Variants in TRAPPC9 observed in about 807,000 individuals in gnomAD.
TRAPPC9 encodes the protein trafficking protein particle complex subunit 9.
A neutral mutation model predicts 124.0 loss-of-function variants in TRAPPC9; 83 were observed. That is an observed-to-expected ratio of 0.67 (90% CI 0.56 to 0.80). TRAPPC9 has a LOEUF of 0.80. Ranked by LOEUF, TRAPPC9 falls within the 30% of genes least tolerant of loss-of-function variation. TRAPPC9 has a pLI of 0.00. For missense variants in TRAPPC9, 1,302 were observed against 1,508.3 expected, an observed-to-expected ratio of 0.86 and a Z score of 2.27; for synonymous variants, 638 against 617.5, an observed-to-expected ratio of 1.03 and a Z score of -0.49.
chr8:139,765,243 A>G (rs1442176203), intron 21 of TRAPPC9, among the ~76,000 whole-genome samples: 1 of 152,200 alleles, frequency 6.6e-6, no homozygotes, highest in Non-Finnish European at 1.5e-5. Context: ...GGACCTGGGT[A>G]ACTGCCCAAG....
intron 5 of TRAPPC9, among the ~76,000 whole-genome samples, chr8:140,416,876 G>C (rs975463431): frequency 1.3e-5 from 2 of 152,074 alleles, no homozygotes; most frequent in East Asian, 3.8e-4. Flanking sequence ...CAGATATATA[G>C]ACCAATGGAA....
intron 13 of TRAPPC9, among the ~76,000 whole-genome samples, chr8:140,285,969 C>T (rs1222199213): frequency 1.3e-5 from 2 of 152,208 alleles, no homozygotes; most frequent in Non-Finnish European, 2.9e-5. Context: ...CTACTGTGTG[C>T]CAGGCTCCAC....
intron 19 of TRAPPC9, among the ~76,000 whole-genome samples, chr8:139,951,358 C>T (rs1834635893): frequency 6.6e-6 from 1 of 152,186 alleles, no homozygotes; most frequent in Non-Finnish European, 1.5e-5. Flanking sequence ...AAAAACTGTG[C>T]CATGAGGGTT....
chr8:140,175,727 G>C (rs1198027143), intron 17 of TRAPPC9, among the ~76,000 whole-genome samples: 1 of 152,222 alleles, frequency 6.6e-6, no homozygotes, highest in Non-Finnish European at 1.5e-5. Flanking sequence ...TCTGTGTGCT[G>C]TGCTCCAATG....
rs1172889959 is a variant in TRAPPC9, at chr8:139,731,015, AG to A, written c.*45del. 1.9e-6 allele frequency: 3 copies of A among 1,602,412 alleles called. No individual in the cohort carries two copies. The highest frequency in any genetic ancestry group is 2.6e-6 in the Non-Finnish European group (3 of 1,174,784). On this transcript the variant is annotated 3_prime_UTR_variant, in exon 23 of 23. Transcript: ENST00000438773. ...TTGCAGGGGGTGTGGGAGGCCAGGCAGGGTCACCTCTGGCCCTGCAGAAAGA... is the reference window on the plus strand; with the variant it reads ...TTGCAGGGGGTGTGGGAGGCCAGGCAGGTCACCTCTGGCCCTGCAGAAAGA...
chr8:139,937,551 G>T (rs552150356), intron 19 of TRAPPC9, among the ~76,000 whole-genome samples: 1 of 152,102 alleles, frequency 6.6e-6, no homozygotes, highest in African/African-American at 2.4e-5. Flanking sequence ...TGGCAGGGCC[G>T]GTGCTGGGGC....
chr8:140,004,823 C>T (rs932183849), intron 18 of TRAPPC9, among the ~76,000 whole-genome samples: 5 of 152,172 alleles, frequency 3.3e-5, no homozygotes, highest in African/African-American at 9.7e-5. Context: ...CTCCCAGGGT[C>T]TAGACACCAA....
intron 17 of TRAPPC9, among the ~76,000 whole-genome samples, chr8:140,193,675 GA>G (rs2062556833): frequency 7.3e-6 from 1 of 136,250 alleles, no homozygotes; most frequent in Non-Finnish European, 1.5e-5. Context: ...CCTACTGCTA[GA>G]AAGTCCACTG....
intron 5 of TRAPPC9, among the ~76,000 whole-genome samples, chr8:140,418,785 G>A (rs192374837): frequency 2.5e-4 from 38 of 152,192 alleles, no homozygotes; most frequent in African/African-American, 5.3e-4. Context: ...CAGACAGACA[G>A]ACAGATGCAA....
At chr8:139,988,948 C>G (rs933636087) in intron 18 of TRAPPC9, 112 bp from the exon 19 acceptor site, 2 of 746,066 alleles carry the variant, frequency 2.7e-6, no homozygotes, top group Admixed American at 2.0e-5. Flanking sequence ...CAAAGTATAT[C>G]GAAATGCCAA....
intron 19 of TRAPPC9, among the ~76,000 whole-genome samples, chr8:139,919,785 G>C (rs904269091): frequency 3.3e-5 from 5 of 152,204 alleles, no homozygotes; most frequent in Admixed American, 3.3e-4. Context: ...GTGTGGCCCA[G>C]AGCAGGTGCG....
intron 19 of TRAPPC9, among the ~76,000 whole-genome samples, chr8:139,948,262 C>T (rs1343949541): frequency 1.8e-5 from 1 of 56,604 alleles, no homozygotes; most frequent in Admixed American, 2.2e-4. Flanking sequence ...CACACACACA[C>T]ACACACACAC....
chr8:139,839,034 C>T (rs1298167742), intron 21 of TRAPPC9, among the ~76,000 whole-genome samples: 1 of 152,214 alleles, frequency 6.6e-6, no homozygotes, highest in African/African-American at 2.4e-5. Flanking sequence ...TTAGAAGATG[C>T]ATCTCCTGAA....
At chr8:139,838,954 C>T (rs879325947) in intron 21 of TRAPPC9, among the ~76,000 whole-genome samples, 1 of 152,190 alleles carries the variant, frequency 6.6e-6, no homozygotes, top group African/African-American at 2.4e-5. Flanking sequence ...AGGGACACAC[C>T]AGGGGGCAAA....
At chr8:139,772,144 G>T (rs1417058998) in intron 21 of TRAPPC9, among the ~76,000 whole-genome samples, 2 of 152,236 alleles carry the variant, frequency 1.3e-5, no homozygotes, top group Admixed American at 6.5e-5. Context: ...GGATCCACAT[G>T]GAAGGTGATC....
In TRAPPC9 at chr8:139,753,248, C is replaced by A. The variant is rs546141088; in HGVS notation, c.3056-21046G>T. On this transcript the variant is annotated intron_variant, in intron 21 of 22. Coordinates refer to ENST00000438773, the MANE Select transcript of TRAPPC9 (RefSeq NM_001160372.4). ...TCCAACATCTACCCATCCATCCATT[C>A]ACCCATCTACCATCCATCCATCCAA... 2.0e-5 allele frequency among the ~76,000 whole-genome samples: 3 copies of A among 150,406 alleles called. No individual in the cohort carries two copies. In the East Asian group the frequency reaches 6.0e-4, roughly 30 times the overall value.
intron 22 of TRAPPC9, among the ~76,000 whole-genome samples, chr8:139,731,517 G>C (rs1371113935): frequency 6.6e-6 from 1 of 152,212 alleles, no homozygotes; most frequent in Non-Finnish European, 1.5e-5. Context: ...TTGGGGCAGA[G>C]GGGAATGGAA....
chr8:139,759,734 A>G (rs1057163398), intron 21 of TRAPPC9, among the ~76,000 whole-genome samples: 2 of 152,126 alleles, frequency 1.3e-5, no homozygotes, highest in Admixed American at 6.5e-5. Flanking sequence ...CAAACTCTAG[A>G]TCCAGCTGCC....
chr8:140,404,808 A>G (rs573045098), intron 6 of TRAPPC9, among the ~76,000 whole-genome samples: 1 of 150,558 alleles, frequency 6.6e-6, no homozygotes, highest in Non-Finnish European at 1.5e-5. Context: ...GTGTGTGAAC[A>G]TGTGTGTATG....
Sources: allele counts gnomAD v4.1 joint callset (sites outside exome capture counted in the v4.1 genomes callset), GRCh38; gene constraint gnomAD v4.1.1; transcripts MANE v1.5; gene names NCBI Gene and HGNC (gene_info 2026-07-23, HGNC 2026-07-21).